The following EVPL variants were observed in gnomAD, a reference collection of about 807,000 sequenced individuals.
EVPL encodes envoplakin, also known as 210 kDa cornified envelope precursor protein.
In EVPL, 94 loss-of-function variants were observed where a neutral mutation model predicts 129.7. The observed-to-expected ratio is 0.72, with a 90% CI of 0.61 to 0.86. EVPL has a LOEUF of 0.86. Ranked by LOEUF, EVPL falls within the 40% of genes least tolerant of loss-of-function variation. The probability of loss-of-function intolerance (pLI) is 0.00; values close to 1 mark genes in which losing one functional copy is unlikely to be tolerated. For synonymous variants in EVPL, 1,172 were observed against 1,191.1 expected (o/e 0.98, Z 0.33); for missense variants, 2,625 against 2,721.1 (o/e 0.96, Z 0.79).
chr17:76,022,417 C>G lies in EVPL; in HGVS notation c.602G>C (p.Gly201Ala), dbSNP rs760716797. 1 of 1,613,750 alleles carries G rather than the reference C, an allele frequency of 6.2e-7. No homozygotes were observed. Among genetic ancestry groups the G allele is most frequent in the Non-Finnish European group, 8.5e-7 (1 of 1,179,952 alleles). The change falls in exon 5 of 22, where the codon GGG becomes GCG. Residue 201 changes from glycine to alanine, a missense_variant. Transcript: ENST00000301607. This position sits in a 1 kb window ranked among gnomAD's most constrained non-coding sequence, Gnocchi z 5.6. ...ACATCCTCCAGGCTCACCTACCGGC[C>G]CCACGAGGCTCCGCAGCTGCTGCCC... The part of the protein sequence containing the change: ...AYGQQLRSLV[G>A]PDAATIRSQY...
chr17:76,018,944 C>T lies in EVPL; in HGVS notation c.1254G>A (p.Val418=), dbSNP rs949723327. The change falls in exon 11 of 22, where the codon GTG becomes GTA. Residue 418 remains valine, a synonymous_variant. Transcript: ENST00000301607. ...RRNPPQQPLH[V]DSICDWDSGE... is the part of the protein sequence containing the mutation. ...CTGAGTCCCAGTCGCAGATGCTGTC[C>T]ACGTGCAGGGGCTGCTGAGGGGGGT... 6.5e-7 allele frequency: 1 copy of T among 1,550,260 alleles called. No individual in the cohort carries two copies. Among genetic ancestry groups the T allele is most frequent in the East Asian group, 2.4e-5 (1 of 41,642 alleles).
At chr17:76,014,820 C>T (rs1008560718) in intron 17 of EVPL, 96 bp downstream of exon 17, 9 of 1,306,078 alleles carry the variant, frequency 6.9e-6, no homozygotes, top group Middle Eastern at 2.8e-4. Context: ...GCTTCAGAGA[C>T]GTGAAGTCAC....
chr17:76,023,331 T>G lies in EVPL; in HGVS notation c.441A>C (p.Gly147=). 6.2e-7 allele frequency: 1 copy of G among 1,613,804 alleles called. No homozygotes were observed. The highest frequency in any genetic ancestry group is 8.5e-7 in the Non-Finnish European group (1 of 1,179,976). The part of the protein sequence containing the change: ...YEKMVLPPDV[G]PRVDWARVLE... ...GCACGCGTGCCCAGTCGACCCTGGG[T>G]CCCACGTCGGGGGGCAGCACCATCT... is the stretch of plus-strand genomic sequence containing the variant. Residue 147 remains glycine (G), a synonymous_variant, in exon 4 of 22, where the codon GGA becomes GGC. Transcript: ENST00000301607.
rs181385463 is a variant in EVPL, at chr17:76,012,018, C to A, written c.2445G>T (p.Gln815His). 6 of 1,612,832 alleles carry A rather than the reference C, an allele frequency of 3.7e-6. No individual in the cohort carries two copies. The African/African-American group carries it at 8.0e-5, about 22-fold the overall frequency. Residue 815 changes from glutamine (Q) to histidine (H), a missense_variant, in exon 19 of 22, where the codon CAG becomes CAT. This residue lies in a region of EVPL where 1,024 missense variants were observed against 997.5 expected (regional missense o/e 1.03). Coordinates refer to ENST00000301607, the MANE Select transcript of EVPL (RefSeq NM_001988.4). ...GCAAGCTGCTTACCTGGAGCGCTGC[C>A]TGCAGGGCCTGGGAGAGGTGGGATG... ...ATASHLSQAL[Q>H]AALQDYELQA...
chr17:76,023,475 C>G (rs766874120), intron 3 of EVPL, 25 bp downstream of exon 3: 10 of 1,611,760 alleles, frequency 6.2e-6, no homozygotes, highest in South Asian at 4.4e-5. Flanking sequence ...CCAGGGACCC[C>G]CAGCCCTGCC....
At chr17:76,018,828 A>T in intron 11 of EVPL, 86 bp downstream of exon 11, 1 of 1,164,914 alleles carries the variant, frequency 8.6e-7, no homozygotes, top group Non-Finnish European at 1.1e-6. Context: ...ACAGCTGGGG[A>T]TGGAGCAGGG....
rs2066461397 is a variant in EVPL, at chr17:76,021,736, G to A, written c.853C>T (p.Gln285Ter). ...ATGCGCTCGCCGTCGTCCTCCAGCT[G>A]GTTCACGCTCTGCTCCTGGCTCAGC... ...ELLSQEQSVN[Q>*]LEDDGERMVE... is the part of the protein sequence containing the mutation. Residue 285 changes from glutamine to a stop codon, truncating the protein, a stop_gained, in exon 8 of 22, where the codon CAG (glutamine) becomes TAG (stop). Coordinates refer to ENST00000301607, the MANE Select transcript of EVPL (RefSeq NM_001988.4). LOFTEE classifies it high-confidence loss of function. 6.2e-7 allele frequency: 1 copy of A among 1,610,318 alleles called. No homozygotes were observed. The highest frequency in any genetic ancestry group is 1.7e-5 in the Admixed American group (1 of 59,916).
chr17:76,014,548 T>C lies in EVPL; in HGVS notation c.2251A>G (p.Thr751Ala), dbSNP rs1331352751. Residue 751 changes from threonine (T) to alanine (A), a missense_variant, in exon 18 of 22, where the codon ACC becomes GCC. By Grantham distance (58) the Thr-to-Ala change is moderately conservative. Around this residue, in one of 4 missense-constraint regions of EVPL, gnomAD observed 1,024 missense variants for 997.5 expected, o/e 1.03. Transcript: ENST00000301607. ...REKVVQDAAL[T>A]YQQFKNCKDN... ...TTGCAGTTCTTGAACTGCTGGTAGG[T>C]GAGGGCGGCATCCTGCACCACCTTC... 6.2e-7 allele frequency: 1 copy of C among 1,612,104 alleles called. No homozygotes were observed. The highest frequency in any genetic ancestry group is 8.5e-7 in the Non-Finnish European group (1 of 1,179,540).
rs985202541 is a variant in EVPL, at chr17:76,011,957, G to A, written c.2457+49C>T. 4 of 1,601,346 alleles carry A rather than the reference G, an allele frequency of 2.5e-6. No homozygotes were observed. In the African/African-American group the frequency reaches 5.4e-5, roughly 21 times the overall value. ...GGTGTGGGGGATAGGGCTGGAAGAG[G>A]GACAAGGGTGATGCATGGAGAGGGG... On this transcript the variant is annotated intron_variant, in intron 19 of 21. Coordinates refer to ENST00000301607, the MANE Select transcript of EVPL (RefSeq NM_001988.4).
intron 18 of EVPL, among the ~76,000 whole-genome samples, 179 bp downstream of exon 18, chr17:76,014,247 C>T (rs1206863265): frequency 2.0e-5 from 3 of 152,204 alleles, no homozygotes; most frequent in Non-Finnish European, 2.9e-5. Flanking sequence ...CTGCCCCAGT[C>T]GGGCCAGACA....
Position 76,010,138 on chromosome 17 carries a change from C to T in EVPL, c.3067G>A (p.Glu1023Lys), listed in dbSNP as rs748003470. Residue 1023 changes from glutamate (E) to lysine (K), a missense_variant, in exon 22 of 22, where the codon GAG (glutamate) becomes AAG (lysine). Physicochemically the swap from Glu to Lys is moderately conservative, Grantham distance 56. This residue lies in a region of EVPL where 1,453 missense variants were observed against 1,511.8 expected (regional missense o/e 0.96). Transcript: ENST00000301607. The part of the protein sequence containing the change: ...HLLTKEVTQV[E>K]RDPGLDSQAA... ...TGGCTGTCCAGGCCGGGGTCCCTCTCCACCTGGGTGACCTCCTTGGTCAGC... is the reference window on the plus strand; with the variant it reads ...TGGCTGTCCAGGCCGGGGTCCCTCTTCACCTGGGTGACCTCCTTGGTCAGC... 64 of 1,613,996 alleles carry T rather than the reference C, an allele frequency of 4.0e-5. No homozygotes were observed. The highest frequency in any genetic ancestry group is 5.3e-5 in the Non-Finnish European group (62 of 1,180,044).
In EVPL at chr17:76,021,790, G is replaced by T. The variant is rs368616577; in HGVS notation, c.808-9C>A. 1.3e-6 allele frequency: 2 copies of T among 1,592,440 alleles called. No homozygotes were observed. Among genetic ancestry groups the T allele is most frequent in the South Asian group, 2.3e-5 (2 of 88,542 alleles). ...TCGTGCTGCTTGAAGTGCTGGGGGC[G>T]AGTCGGGTGGGGAGCGGCGGTGAGG... On this transcript the variant is annotated splice_polypyrimidine_tract_variant and intron_variant, in intron 7 of 21. Coordinates refer to ENST00000301607, the MANE Select transcript of EVPL (RefSeq NM_001988.4).
chr17:76,021,360 C>G, intron 9 of EVPL, 108 bp downstream of exon 9: 2 of 1,067,818 alleles, frequency 1.9e-6, no homozygotes, highest in Non-Finnish European at 2.8e-6. Flanking sequence ...CCTGCCAGCT[C>G]TGTCTAGTTG....
chr17:76,027,207 A>G lies in EVPL; in HGVS notation c.-9T>C, dbSNP rs1402082119. 3.8e-6 allele frequency: 6 copies of G among 1,597,564 alleles called. No homozygotes were observed. Among genetic ancestry groups the G allele is most frequent in the Non-Finnish European group, 5.1e-6 (6 of 1,169,908 alleles). ...CTCAGCCCCTTGAACATGGTCGTAA[A>G]GGCAAGTGCTGGCTCAGGCTGGGCT... On this transcript the variant is annotated 5_prime_UTR_variant, in exon 1 of 22. Transcript: ENST00000301607.
At position 76,015,116 on chromosome 17, in the gene EVPL, G is replaced by A. The variant is rs1045962660; in HGVS notation, c.2029-7C>T. ...GCAGCTCCCTCCGCTGGCGCTGCAG[G>A]AGGAGGGGACGCAGCCGTGCACCCT... On this transcript the variant is annotated splice_polypyrimidine_tract_variant and splice_region_variant and intron_variant, in intron 16 of 21. Coordinates refer to ENST00000301607, the MANE Select transcript of EVPL (RefSeq NM_001988.4). 7.6e-6 allele frequency: 12 copies of A among 1,572,100 alleles called. No individual in the cohort carries two copies. The South Asian group carries it at 1.3e-4, about 17-fold the overall frequency.
At chr17:76,026,795 C>A (rs1224164411) in intron 1 of EVPL, among the ~76,000 whole-genome samples, 1 of 152,230 alleles carries the variant, frequency 6.6e-6, no homozygotes, top group Non-Finnish European at 1.5e-5. Context: ...GGCCTCCGTG[C>A]AGGCTCCTGT....
chr17:76,017,869 A>T lies in EVPL; in HGVS notation c.1580T>A (p.Leu527His), dbSNP rs2066428917. 1 of 1,613,916 alleles carries T rather than the reference A, an allele frequency of 6.2e-7. No homozygotes were observed. Among genetic ancestry groups the T allele is most frequent in the Non-Finnish European group, 8.5e-7 (1 of 1,179,990 alleles). The change falls in exon 14 of 22, where the codon CTC becomes CAC. Residue 527 changes from leucine (L) to histidine (H), a missense_variant. Transcript: ENST00000301607. Reference sequence around the variant, plus strand: ...ATCCAGCCGGGTCATCTGTGTCAGGAGCTTCTGGGCCTGTGGGTTGGCCAG... The same window carrying T: ...ATCCAGCCGGGTCATCTGTGTCAGGTGCTTCTGGGCCTGTGGGTTGGCCAG... ...SDLANPQAQK[L>H]LTQMTRLDGD... is the part of the protein sequence containing the mutation.
At position 76,008,358 on chromosome 17, in the gene EVPL, T is replaced by G. The variant is rs372600391; in HGVS notation, c.4847A>C (p.Glu1616Ala). The G allele has an allele frequency of 2.0e-4, 328 of 1,602,572 alleles. 1 individual carries two copies. The highest frequency in any genetic ancestry group is 2.6e-4 in the Non-Finnish European group (306 of 1,179,362). ...CGTCTTCTGGCTGAGCAGCTTCGAC[T>G]CCTCCTGCAGCTGCAGTGTCTGCTG... ...KQQQTLQLQEESKLLSQKTES... is the reference protein window; with the variant it reads ...KQQQTLQLQEASKLLSQKTES... Residue 1616 changes from glutamate (E) to alanine (A), a missense_variant, in exon 22 of 22, where the codon GAG (glutamate) becomes GCG (alanine). Physicochemically the swap from Glu to Ala is moderately radical, Grantham distance 107. This residue lies in a region of EVPL where 1,453 missense variants were observed against 1,511.8 expected (regional missense o/e 0.96). Transcript: ENST00000301607. The surrounding 1 kb of genome is among the most constrained non-coding windows in gnomAD (Gnocchi z 7.4).
chr17:76,012,128 G>C (rs775376532), intron 18 of EVPL, 39 bp from the exon 19 acceptor site: 13 of 1,510,374 alleles, frequency 8.6e-6, no homozygotes, highest in African/African-American at 1.4e-5. Context: ...GCCAGGAAAT[G>C]CCAATCACCC....
Sources: gnomAD v4.1 joint callset for allele counts (sites outside exome capture counted in the v4.1 genomes callset) on GRCh38, gnomAD v4.1.1 for gene constraint, gnomAD v4.1.1 regional missense constraint, Gnocchi (gnomAD v3.1) non-coding constraint, MANE v1.5 for transcripts, NCBI Gene and HGNC (gene_info 2026-07-23, HGNC 2026-07-21) for gene names.